Variants in ABCA8 observed in about 807,000 individuals in gnomAD.
The protein encoded by ABCA8 is ABC-type organic anion transporter ABCA8.
ABCA8 carries 177 observed loss-of-function variants against 192.3 expected under a neutral mutation model. The observed-to-expected ratio is 0.92, with a 90% CI of 0.81 to 1.04. ABCA8 has a LOEUF of 1.04. Ranked by LOEUF, ABCA8 falls within the 50% of genes least tolerant of loss-of-function variation. The pLI is 0.00. For missense variants in ABCA8, 1,915 were observed against 1,904.8 expected, an observed-to-expected ratio of 1.01 and a Z score of -0.10; for synonymous variants, 642 against 690.2, an observed-to-expected ratio of 0.93 and a Z score of 1.09.
chr17:68,899,651 C>T (rs1428501102), intron 21 of ABCA8, among the ~76,000 whole-genome samples: 1 of 152,052 alleles, frequency 6.6e-6, no homozygotes. Flanking sequence ...CAGCAGAATG[C>T]ACATTCTTCT....
intron 8 of ABCA8, 109 bp downstream of exon 8, chr17:68,929,452 A>G: frequency 7.6e-7 from 1 of 1,313,790 alleles, no homozygotes; most frequent in Non-Finnish European, 1.0e-6. Context: ...GATTTTTCAC[A>G]TGCAAACAGA....
intron 8 of ABCA8, 30 bp downstream of exon 8, chr17:68,929,531 G>C: frequency 6.3e-7 from 1 of 1,599,104 alleles, no homozygotes; most frequent in Non-Finnish European, 8.5e-7. Flanking sequence ...GCTATAGGTG[G>C]ATGGAAAGAT....
At chr17:68,949,770 A>G (rs1231626379) in intron 1 of ABCA8, among the ~76,000 whole-genome samples, 1 of 152,182 alleles carries the variant, frequency 6.6e-6, no homozygotes, top group Non-Finnish European at 1.5e-5. Context: ...CTCTCAATAA[A>G]CTAGGCATTG....
chr17:68,887,467 G>A lies in ABCA8; in HGVS notation c.3184C>T (p.Pro1062Ser), dbSNP rs1226610270. The change falls in exon 25 of 40, where the codon CCT becomes TCT. Residue 1062 changes from proline to serine, a missense_variant. Pro to Ser is a moderately conservative substitution (Grantham distance 74, BLOSUM62 -1). Transcript: ENST00000586539. ...GCCTGCCCAAACCAGTAAGCAGAAG[G>A]GGAGAGTCCGGAAATCCGTAGCTGG... ...RSQLRISGLS[P>S]SAYWFGQALV... The A allele has an allele frequency of 3.7e-6, 6 of 1,612,904 alleles. No homozygotes were observed. The highest frequency in any genetic ancestry group is 2.2e-5 in the South Asian group (2 of 90,612).
rs35354307 is a variant in ABCA8 at position 68,907,816 on chromosome 17, A to C, written c.2202T>G (p.Pro734=). ...CGCTTTTGGCTGATAATTTGGCATCAGGGATGTGCTGTTTAACAAGTGATG... is the reference window on the plus strand; with the variant it reads ...CGCTTTTGGCTGATAATTTGGCATCCGGGATGTGCTGTTTAACAAGTGATG... The part of the protein sequence containing the change: ...NITSLVKQHI[P]DAKLSAKSEG... Residue 734 remains proline, a synonymous_variant, in exon 18 of 40, where the codon CCT becomes CCG. Transcript: ENST00000586539. 4.7e-4 allele frequency: 764 copies of C among 1,610,732 alleles called. 2 individuals are homozygous for C. The African/African-American group carries it at 9.3e-3, about 20-fold the overall frequency.
At chr17:68,927,127 A>G (rs2067723538) in intron 10 of ABCA8, among the ~76,000 whole-genome samples, 1 of 152,070 alleles carries the variant, frequency 6.6e-6, no homozygotes, top group Admixed American at 6.5e-5. Flanking sequence ...GGCGTGTGGC[A>G]CACATCTGTA....
Position 68,933,285 on chromosome 17 carries a change from CA to C in ABCA8, c.467-15del. ...CATAACAATGAGCTTTGTGAAAAAACAAATCATAACTATCATTACATCACTA... is the reference window on the plus strand; with the variant it reads ...CATAACAATGAGCTTTGTGAAAAAACAATCATAACTATCATTACATCACTA... On this transcript the variant is annotated splice_polypyrimidine_tract_variant and intron_variant, in intron 5 of 39. Coordinates refer to ENST00000586539, the MANE Select transcript of ABCA8 (RefSeq NM_001288985.2). The C allele has an allele frequency of 6.8e-7, 1 of 1,475,580 alleles. No individual in the cohort carries two copies. Among genetic ancestry groups the C allele is most frequent in the African/African-American group, 1.4e-5 (1 of 71,776 alleles). 91.4% of individuals were successfully genotyped at this position (1,475,580 alleles called of 1,614,324 possible).
intron 21 of ABCA8, among the ~76,000 whole-genome samples, chr17:68,901,643 CA>C (rs1350687290): frequency 2.0e-5 from 3 of 151,550 alleles, no homozygotes; most frequent in Non-Finnish European, 4.4e-5. Flanking sequence ...CCGTCTCTAC[CA>C]AAAATACAAA....
intron 2 of ABCA8, among the ~76,000 whole-genome samples, chr17:68,944,277 A>T (rs1473492822): frequency 7.2e-6 from 1 of 139,578 alleles, no homozygotes; most frequent in Non-Finnish European, 1.5e-5. Context: ...TCTATGTAAC[A>T]AACCTGCATG....
intron 37 of ABCA8, among the ~76,000 whole-genome samples, chr17:68,871,514 T>A (rs2066053461): frequency 6.6e-6 from 1 of 152,188 alleles, no homozygotes; most frequent in Non-Finnish European, 1.5e-5. Flanking sequence ...CATTTAACAG[T>A]TTTTCATATA....
chr17:68,924,184 T>C (rs1337817621), intron 11 of ABCA8, among the ~76,000 whole-genome samples: 1 of 151,970 alleles, frequency 6.6e-6, no homozygotes, highest in Non-Finnish European at 1.5e-5. Flanking sequence ...CCGTCTCTAT[T>C]CAAAACACAA....
At chr17:68,900,337 T>C (rs181198888) in intron 21 of ABCA8, among the ~76,000 whole-genome samples, 1 of 152,064 alleles carries the variant, frequency 6.6e-6, no homozygotes, top group African/African-American at 2.4e-5. Context: ...TTAGATAATA[T>C]AGTATAATGG....
chr17:68,941,021 T>C, intron 3 of ABCA8, 59 bp from the exon 4 acceptor site: 1 of 1,346,274 alleles, frequency 7.4e-7, no homozygotes. Context: ...TCATCCACAA[T>C]CATTTTGTCA....
rs767383945 is a variant in ABCA8, at chr17:68,928,013, C to T, written c.1176G>A (p.Ser392=). 3.1e-5 allele frequency: 49 copies of T among 1,603,872 alleles called. No individual in the cohort carries two copies. Among genetic ancestry groups the T allele is most frequent in the Middle Eastern group, 1.7e-4 (1 of 6,060 alleles). The change falls in exon 10 of 40, where the codon TCG becomes TCA. Residue 392 remains serine, a synonymous_variant. Transcript: ENST00000586539. ...DLNSNAFPHP[S]DGSNLIVATN... is the part of the protein sequence containing the mutation. ...TTGCTACAATGAGATTTGAGCCGTC[C>T]GATGGATGAGGAAATGCATTAGAAT...
intron 32 of ABCA8, 111 bp from the exon 33 acceptor site, chr17:68,877,790 C>T (rs1358973651): frequency 2.6e-6 from 3 of 1,157,862 alleles, no homozygotes; most frequent in South Asian, 1.9e-5. Flanking sequence ...CTCTAAACCT[C>T]ATTGGGTTTA....
chr17:68,869,830 A>C, intron 37 of ABCA8, 51 bp from the exon 38 acceptor site: 7 of 1,180,626 alleles, frequency 5.9e-6, no homozygotes, highest in Non-Finnish European at 8.8e-6. Context: ...GCCAGATGTG[A>C]ACTGATGGCA....
chr17:68,881,318 TTA>T, intron 31 of ABCA8, 107 bp from the exon 32 acceptor site: 1 of 803,532 alleles, frequency 1.2e-6, no homozygotes, highest in Non-Finnish European at 2.0e-6. Context: ...TAGTTGTCAT[TTA>T]ATTGTCACAA....
At chr17:68,919,674 C>T in intron 13 of ABCA8, 198 bp from the exon 14 acceptor site, 1 of 497,046 alleles carries the variant, frequency 2.0e-6, no homozygotes, top group Non-Finnish European at 3.5e-6. Flanking sequence ...GTCCCTTTGT[C>T]TGCCCCTCAC....
chr17:68,881,131 T>C lies in ABCA8; in HGVS notation c.4027A>G (p.Thr1343Ala). 6.2e-7 allele frequency: 1 copy of C among 1,610,982 alleles called. No homozygotes were observed. Among genetic ancestry groups the C allele is most frequent in the Non-Finnish European group, 8.5e-7 (1 of 1,177,148 alleles). ...CATAATTCACCTACTTGTCCAGCAG[T>C]TGGTTTTGTGTCTCCAGTTATCACC... ...IKVITGDTKP[T>A]AGQVLLKGSG... is the part of the protein sequence containing the mutation. The change falls in exon 32 of 40, where the codon ACT (threonine) becomes GCT (alanine). Residue 1343 changes from threonine (T) to alanine (A), a missense_variant. Physicochemically the swap from Thr to Ala is moderately conservative, Grantham distance 58 (BLOSUM62 0). Transcript: ENST00000586539.
Sources: allele counts gnomAD v4.1 joint callset (sites outside exome capture counted in the v4.1 genomes callset), GRCh38; gene constraint gnomAD v4.1.1; transcripts MANE v1.5; gene names NCBI Gene and HGNC (gene_info 2026-07-23, HGNC 2026-07-21).